DNASE1: variants seen among roughly 807,000 people sequenced by gnomAD.
The protein encoded by DNASE1 is deoxyribonuclease-1.
Under a neutral mutation model 33.9 loss-of-function variants are expected in DNASE1, and 40 were observed. That is an observed-to-expected ratio of 1.18 (90% CI 0.92 to 1.54). DNASE1 has a LOEUF of 1.54. DNASE1 is among the 40% of genes most tolerant of loss of function. DNASE1 has a pLI of 0.00. For missense variants in DNASE1, 518 were observed against 372.6 expected (o/e 1.39, Z -3.21); for synonymous variants, 216 against 160.0 (o/e 1.35, Z -2.64).
At chr16:3,614,837 A>G (rs1457826361) in intron 1 of DNASE1, among the ~76,000 whole-genome samples, 1 of 152,230 alleles carries the variant, frequency 6.6e-6, no homozygotes, top group Non-Finnish European at 1.5e-5. Flanking sequence ...ATGAAGGATA[A>G]TTGTAATGGT....
intron 1 of DNASE1, among the ~76,000 whole-genome samples, chr16:3,619,623 A>T (rs921482433): frequency 3.3e-5 from 5 of 151,928 alleles, no homozygotes; most frequent in African/African-American, 1.2e-4. Context: ...GGCCTCCCAA[A>T]GTGCTGGGAT....
At chr16:3,665,056 GC>G (rs1349848405) in exon 10 of DNASE1, 1 of 153,922 alleles carries the variant, frequency 6.5e-6, no homozygotes, top group East Asian at 1.9e-4. Flanking sequence ...AACCAGCAGG[GC>G]CCAGGCCACC....
exon 10 of DNASE1, chr16:3,664,379 G>A (rs1468399023): frequency 1.2e-6 from 2 of 1,612,722 alleles, no homozygotes; most frequent in Non-Finnish European, 1.7e-6. Flanking sequence ...CCCGCATGCG[G>A]CTGGCGTATT....
chr16:3,627,668 C>A (rs2041557647), intron 1 of DNASE1, among the ~76,000 whole-genome samples: 1 of 152,134 alleles, frequency 6.6e-6, no homozygotes, highest in Admixed American at 6.6e-5. Context: ...AAAAGACTAT[C>A]TTTTCCCCGT....
At chr16:3,618,886 C>T (rs1261175206) in intron 1 of DNASE1, among the ~76,000 whole-genome samples, 3 of 152,120 alleles carry the variant, frequency 2.0e-5, no homozygotes, top group African/African-American at 7.2e-5. Flanking sequence ...GACAAGGTCT[C>T]ATTTCTGTTG....
Position 3,631,591 on chromosome 16 carries a change from C to A in DNASE1, c.-1358-9124C>A, listed in dbSNP as rs1420637292. 2.0e-5 allele frequency among the ~76,000 whole-genome samples: 3 copies of A among 152,078 alleles called. No individual in the cohort carries two copies. In the East Asian group the frequency reaches 5.8e-4, roughly 29 times the overall value. The stretch of plus-strand genomic sequence containing the variant: ...CCAGGCTGGAGTGCAGTGGCATGAT[C>A]TCAGGTCACTGCAACCTCTACCTCC... On this transcript the variant is annotated intron_variant and NMD_transcript_variant, in intron 1 of 11. Coordinates refer to the DNASE1 transcript ENST00000570769.
exon 10 of DNASE1, chr16:3,664,817 C>A (rs891857446): frequency 2.2e-5 from 5 of 226,178 alleles, no homozygotes; most frequent in Non-Finnish European, 4.3e-5. Context: ...GGTGGGCACA[C>A]GGACACGGGT....
At chr16:3,657,417 A>C in intron 7 of DNASE1, 76 bp downstream of exon 7, 2 of 1,563,142 alleles carry the variant, frequency 1.3e-6, no homozygotes, top group Non-Finnish European at 1.7e-6. Flanking sequence ...CGGGCTTCAG[A>C]AGCCTCAAAG....
intron 1 of DNASE1, among the ~76,000 whole-genome samples, chr16:3,613,962 G>A (rs990876941): frequency 6.9e-6 from 1 of 145,204 alleles, no homozygotes; most frequent in Non-Finnish European, 1.5e-5. Flanking sequence ...GCCCAGGCTG[G>A]AATGCAGTGG....
chr16:3,663,505 C>T (rs1175548473), exon 10 of DNASE1: 2 of 1,614,148 alleles, frequency 1.2e-6, no homozygotes, highest in East Asian at 2.2e-5. Context: ...TTCTTCTTGT[C>T]AAACTCACGA....
downstream of DNASE1, chr16:3,662,676 C>G (rs1313230190): frequency 2.9e-6 from 2 of 693,734 alleles, no homozygotes; most frequent in East Asian, 5.5e-5. Context: ...TGGAGCAGGG[C>G]TGGGAGAAAG....
intron 1 of DNASE1, among the ~76,000 whole-genome samples, chr16:3,647,028 C>T (rs1037307921): frequency 1.1e-4 from 16 of 152,112 alleles, no homozygotes; most frequent in Non-Finnish European, 2.2e-4. Context: ...GATGTCCCAG[C>T]CACAGCTGAA....
downstream of DNASE1, chr16:3,661,278 A>G (rs1272490427): frequency 6.6e-6 from 1 of 152,172 alleles, no homozygotes; most frequent in Non-Finnish European, 1.5e-5. Flanking sequence ...AACTCAAAAG[A>G]TACCTAAAGG....
exon 10 of DNASE1, chr16:3,664,184 T>A: frequency 7.4e-7 from 1 of 1,360,320 alleles, no homozygotes; most frequent in East Asian, 2.6e-5. Flanking sequence ...CCCGGAGTCT[T>A]GGGCAGGTTC....
intron 1 of DNASE1, among the ~76,000 whole-genome samples, chr16:3,626,310 G>C (rs971649432): frequency 6.6e-6 from 1 of 152,032 alleles, no homozygotes; most frequent in African/African-American, 2.4e-5. Context: ...CACAGTGAGT[G>C]ATCACTAAAC....
chr16:3,614,830 A>G (rs2041042982), intron 1 of DNASE1, among the ~76,000 whole-genome samples: 1 of 152,204 alleles, frequency 6.6e-6, no homozygotes, highest in South Asian at 2.1e-4. Context: ...CTGGGTTATG[A>G]AGGATAATTG....
chr16:3,641,326 C>T (rs1031444098), upstream of DNASE1: 12 of 171,206 alleles, frequency 7.0e-5, no homozygotes, highest in East Asian at 1.6e-4. Flanking sequence ...GGCTTGTAGA[C>T]GCCTTGCCTG....
At position 3,657,287 on chromosome 16, in the gene DNASE1, T is replaced by C; in HGVS notation, c.650T>C (p.Leu217Pro). 3.7e-6 allele frequency: 6 copies of C among 1,613,982 alleles called. 1 individual carries two copies. The highest frequency in any genetic ancestry group is 5.1e-6 in the Non-Finnish European group (6 of 1,180,028). The change falls in exon 7 of 9, where the codon CTG (leucine) becomes CCG (proline). Residue 217 changes from leucine to proline, a missense_variant. Leu to Pro is a moderately conservative substitution (Grantham distance 98). Coordinates refer to ENST00000246949, the MANE Select transcript of DNASE1 (RefSeq NM_005223.4). ...RLWTSPTFQW[L>P]IPDSADTTAT... is the part of the protein sequence containing the mutation. ...TGGACAAGCCCCACCTTCCAGTGGC[T>C]GATCCCCGACAGCGCTGACACCACA...
intron 1 of DNASE1, among the ~76,000 whole-genome samples, chr16:3,631,118 G>GATCAAGCGA (rs1281738205): frequency 3.2e-4 from 48 of 152,010 alleles, no homozygotes; most frequent in African/African-American, 1.1e-3. Context: ...CGCCTCCTGA[G>GATCAAGCGA]TTCAAGCGAT....
Sources: allele counts gnomAD v4.1 joint callset (sites outside exome capture counted in the v4.1 genomes callset), GRCh38; gene constraint gnomAD v4.1.1; transcripts MANE v1.5; gene names NCBI Gene and HGNC (gene_info 2026-07-23, HGNC 2026-07-21).